STX18: variants seen among roughly 807,000 people sequenced by gnomAD.
STX18 encodes the protein syntaxin 18, also known as syntaxin-18.
STX18 carries 40 observed loss-of-function variants against 50.1 expected under a neutral mutation model. That is an observed-to-expected ratio of 0.80 (90% CI 0.62 to 1.04). The LOEUF is 1.04. Ranked by LOEUF, STX18 falls within the 50% of genes least tolerant of loss-of-function variation. STX18 has a pLI of 0.00. For missense variants in STX18, 410 were observed against 415.8 expected (o/e 0.99, Z 0.12); for synonymous variants, 158 against 151.8 (o/e 1.04, Z -0.30).
chr4:4,421,568 G>A (rs1724966895), intron 9 of STX18, among the ~76,000 whole-genome samples: 1 of 152,096 alleles, frequency 6.6e-6, no homozygotes, highest in South Asian at 2.1e-4. Context: ...ACCCCATCTT[G>A]TTGCAGTGCT....
chr4:4,423,761 G>A, intron 8 of STX18, 174 bp from the exon 9 acceptor site: 3 of 639,624 alleles, frequency 4.7e-6, no homozygotes, highest in South Asian at 1.9e-5. Flanking sequence ...TCCTTACTGG[G>A]TCACCTTCCC....
chr4:4,505,125 C>G (rs920188264), intron 1 of STX18, among the ~76,000 whole-genome samples: 13 of 152,178 alleles, frequency 8.5e-5, no homozygotes, highest in Non-Finnish European at 1.8e-4. Flanking sequence ...CTTTCTGACT[C>G]TATGGATTTG....
chr4:4,421,544 C>A (rs549355824), intron 9 of STX18, among the ~76,000 whole-genome samples: 1 of 152,174 alleles, frequency 6.6e-6, no homozygotes, highest in Non-Finnish European at 1.5e-5. Flanking sequence ...CATGAGCCAC[C>A]GCGCAGGGCT....
chr4:4,433,523 A>G (rs1010358203), intron 7 of STX18, among the ~76,000 whole-genome samples: 1 of 142,536 alleles, frequency 7.0e-6, no homozygotes, highest in African/African-American at 2.9e-5. Flanking sequence ...TGATCAATAA[A>G]AAAAATAAAT....
intron 7 of STX18, among the ~76,000 whole-genome samples, chr4:4,431,091 C>T (rs1455259871): frequency 6.6e-6 from 1 of 152,058 alleles, no homozygotes; most frequent in African/African-American, 2.4e-5. Flanking sequence ...CCATTGCCTG[C>T]CAGAGAAAGG....
At chr4:4,480,676 C>G (rs917661340) in intron 1 of STX18, among the ~76,000 whole-genome samples, 1 of 152,142 alleles carries the variant, frequency 6.6e-6, no homozygotes, top group South Asian at 2.1e-4. Context: ...AATTGATTTT[C>G]TATCCCCTTC....
At chr4:4,459,049 A>AACACAC (rs1054012083) in intron 3 of STX18, among the ~76,000 whole-genome samples, 2 of 121,826 alleles carry the variant, frequency 1.6e-5, no homozygotes, top group African/African-American at 7.1e-5. Flanking sequence ...TGCCACACAG[A>AACACAC]ACACACACAC....
At chr4:4,447,592 CAAAAAAAAAAAAAAAAAAAAA>C (rs34300930) in intron 5 of STX18, among the ~76,000 whole-genome samples, 8 of 45,904 alleles carry the variant, frequency 1.7e-4, no homozygotes, top group South Asian at 1.5e-3. Context: ...CTCCGTCTCA[CAAAAAAAAAAAAAAAAAAAAA>C]AAAAAAAAAA....
intron 1 of STX18, among the ~76,000 whole-genome samples, chr4:4,519,334 T>C (rs529187967): frequency 6.6e-6 from 1 of 152,244 alleles, no homozygotes; most frequent in Non-Finnish European, 1.5e-5. Context: ...ATTAAGAAAA[T>C]TATTAACTTC....
chr4:4,535,729 A>G (rs1307430509), intron 1 of STX18, among the ~76,000 whole-genome samples: 1 of 152,174 alleles, frequency 6.6e-6, no homozygotes. Context: ...CTTGCATTCT[A>G]AACCTCCATT....
At chr4:4,489,058 TTC>T (rs1382896472) in intron 1 of STX18, among the ~76,000 whole-genome samples, 2 of 152,218 alleles carry the variant, frequency 1.3e-5, no homozygotes, top group African/African-American at 4.8e-5. Flanking sequence ...CTGATTTTTT[TTC>T]TCTTTTAGCA....
chr4:4,423,483 G>T, intron 9 of STX18, 35 bp downstream of exon 9: 1 of 1,603,054 alleles, frequency 6.2e-7, no homozygotes, highest in Non-Finnish European at 8.5e-7. Context: ...CCCTTTGAGT[G>T]AAAACATACA....
At chr4:4,482,200 C>G (rs1728494240) in intron 1 of STX18, among the ~76,000 whole-genome samples, 2 of 152,218 alleles carry the variant, frequency 1.3e-5, no homozygotes, top group South Asian at 4.1e-4. Flanking sequence ...GCCCTTGGCT[C>G]TTTCTTTACA....
chr4:4,540,025 A>G (rs1162850725), intron 1 of STX18, among the ~76,000 whole-genome samples: 1 of 152,194 alleles, frequency 6.6e-6, no homozygotes, highest in East Asian at 1.9e-4. Flanking sequence ...TACAAAAGGA[A>G]TCTCAAGAAG....
At chr4:4,499,444 T>C (rs555360708) in intron 1 of STX18, 117 of 965,004 alleles carry the variant, frequency 1.2e-4, no homozygotes, top group Non-Finnish European at 1.4e-4. Context: ...TACTGTGCTC[T>C]GGAAAAACTT....
chr4:4,445,268 T>C (rs1336667619), intron 5 of STX18, among the ~76,000 whole-genome samples: 1 of 151,836 alleles, frequency 6.6e-6, no homozygotes, highest in Non-Finnish European at 1.5e-5. Context: ...CAGCCGGGCA[T>C]GGTGGTGGGC....
intron 7 of STX18, among the ~76,000 whole-genome samples, chr4:4,432,956 C>T (rs537003866): frequency 3.3e-5 from 5 of 152,250 alleles, no homozygotes; most frequent in South Asian, 2.1e-4. Flanking sequence ...TGGGCCGGCG[C>T]GGCTGTTCTG....
At chr4:4,428,746 T>C (rs1293898283) in intron 7 of STX18, among the ~76,000 whole-genome samples, 4 of 152,098 alleles carry the variant, frequency 2.6e-5, no homozygotes, top group African/African-American at 7.2e-5. Context: ...ATCTGTCTCT[T>C]TGTGGCCACA....
At chr4:4,452,269 G>A (rs1056243444) in intron 5 of STX18, among the ~76,000 whole-genome samples, 17 of 152,222 alleles carry the variant, frequency 1.1e-4, no homozygotes, top group African/African-American at 4.1e-4. Context: ...AAAAGTACAA[G>A]GTGAATTAGC....
Sources: gnomAD v4.1 joint callset for allele counts (sites outside exome capture counted in the v4.1 genomes callset) on GRCh38, gnomAD v4.1.1 for gene constraint, MANE v1.5 for transcripts, NCBI Gene and HGNC (gene_info 2026-07-23, HGNC 2026-07-21) for gene names.